The following DCDC2C variants were observed in gnomAD, a reference collection of about 807,000 sequenced individuals.
DCDC2C encodes the protein doublecortin domain-containing protein 2C.
Under a neutral mutation model 45.0 loss-of-function variants are expected in DCDC2C, and 44 were observed. That is an observed-to-expected ratio of 0.98 (90% CI 0.77 to 1.26). DCDC2C has a LOEUF of 1.26. Among genes scored for constraint, DCDC2C ranks in the 50% most tolerant of loss-of-function variants. The pLI, the probability that DCDC2C is intolerant of heterozygous loss-of-function variation, is 0.00. For missense variants in DCDC2C, 447 were observed against 468.9 expected (o/e 0.95, Z 0.43); for synonymous variants, 187 against 178.8 (o/e 1.05, Z -0.37).
chr2:3,774,857 C>T (rs1406029206), intron 8 of DCDC2C, among the ~76,000 whole-genome samples: 4 of 151,920 alleles, frequency 2.6e-5, no homozygotes, highest in Admixed American at 2.6e-4. Context: ...ACCTCTGCCT[C>T]CCAGTTCAAG....
intron 4 of DCDC2C, among the ~76,000 whole-genome samples, chr2:3,751,135 A>G (rs357973): frequency 0.9 from 137,296 of 152,276 alleles, 61,977 homozygotes; most frequent in East Asian, 0.94. Flanking sequence ...TCATATTTGT[A>G]TGTGAATTCT....
At chr2:3,812,523 A>G (rs1451269586) in intron 10 of DCDC2C, among the ~76,000 whole-genome samples, 1 of 152,096 alleles carries the variant, frequency 6.6e-6, no homozygotes, top group African/African-American at 2.4e-5. Context: ...TAAGTTTTCA[A>G]AAAACCGGCT....
chr2:3,709,187 C>T (rs762703376), intron 2 of DCDC2C, among the ~76,000 whole-genome samples: 9 of 152,226 alleles, frequency 5.9e-5, no homozygotes, highest in African/African-American at 1.9e-4. Context: ...GACTTAAAAA[C>T]GGACTTATTT....
intron 10 of DCDC2C, among the ~76,000 whole-genome samples, chr2:3,816,973 C>T (rs953416957): frequency 9.9e-5 from 15 of 152,038 alleles, no homozygotes; most frequent in African/African-American, 3.4e-4. Context: ...GAAGAGGTTA[C>T]GAAATGATGA....
intron 2 of DCDC2C, among the ~76,000 whole-genome samples, chr2:3,717,211 G>A (rs186755005): frequency 1.6e-4 from 25 of 152,072 alleles, no homozygotes; most frequent in Admixed American, 7.2e-4. Context: ...AATCATCCAT[G>A]TGCCAAAGAC....
chr2:3,813,335 G>A (rs1671465016), intron 10 of DCDC2C, among the ~76,000 whole-genome samples: 1 of 152,100 alleles, frequency 6.6e-6, no homozygotes, highest in African/African-American at 2.4e-5. Context: ...CCAAAGCGCT[G>A]GGATTACAGG....
At chr2:3,752,638 T>A in intron 4 of DCDC2C, 125 bp from the exon 5 acceptor site, 1 of 1,170,216 alleles carries the variant, frequency 8.5e-7, no homozygotes, top group Non-Finnish European at 1.2e-6. Flanking sequence ...AACACGTGCT[T>A]ACGATGAGCA....
chr2:3,813,855 G>C (rs555891478), intron 10 of DCDC2C, among the ~76,000 whole-genome samples: 2 of 150,204 alleles, frequency 1.3e-5, no homozygotes, highest in Middle Eastern at 3.5e-3. Context: ...GATGAGTCTT[G>C]ACTCTTTATC....
intron 10 of DCDC2C, among the ~76,000 whole-genome samples, chr2:3,794,596 A>G (rs1011953481): frequency 6.6e-6 from 1 of 151,532 alleles, no homozygotes; most frequent in African/African-American, 2.4e-5. Context: ...ATTCCCACCT[A>G]TGAGTGAGAA....
chr2:3,732,428 GATATA>G (rs1352953446), intron 3 of DCDC2C, among the ~76,000 whole-genome samples: 20 of 151,928 alleles, frequency 1.3e-4, no homozygotes, highest in Non-Finnish European at 2.2e-4. Context: ...ATGTATATAT[GATATA>G]ATATATATAT....
rs1258373129 is a variant in DCDC2C, at chr2:3,761,336, G to A, written c.727-6418G>A. On this transcript the variant is annotated intron_variant, in intron 6 of 10. Transcript: ENST00000399143. This position sits in a 1 kb window ranked among gnomAD's most constrained non-coding sequence, Gnocchi z 4.3. Reference sequence around the variant, plus strand: ...TAGAGCACAAGTGTTCGTAGTGAACGGTAATGAAAAGGAGATAAAGCATAT... The same window carrying A: ...TAGAGCACAAGTGTTCGTAGTGAACAGTAATGAAAAGGAGATAAAGCATAT... Among the ~76,000 whole-genome samples, 4 of 152,142 alleles carry A rather than the reference G, an allele frequency of 2.6e-5. No homozygotes were observed. In the South Asian group the frequency reaches 6.2e-4, roughly 24 times the overall value.
At chr2:3,821,389 G>A (rs1028585616) in intron 10 of DCDC2C, among the ~76,000 whole-genome samples, 3 of 152,162 alleles carry the variant, frequency 2.0e-5, no homozygotes, top group Non-Finnish European at 4.4e-5. Flanking sequence ...CTATGTGGAT[G>A]CTTTACTGAA....
intron 3 of DCDC2C, among the ~76,000 whole-genome samples, chr2:3,738,840 G>A (rs62106634): frequency 0.16 from 24,287 of 152,142 alleles, 2,161 homozygotes; most frequent in East Asian, 0.24. Flanking sequence ...TACCAGTGAT[G>A]GGATTTGATG....
intron 1 of DCDC2C, among the ~76,000 whole-genome samples, chr2:3,705,354 A>C (rs575964623): frequency 6.6e-6 from 1 of 152,340 alleles, no homozygotes; most frequent in Non-Finnish European, 1.5e-5. Flanking sequence ...ATTAGAATTC[A>C]TGGACAAAAT....
Position 3,703,986 on chromosome 2 carries a change from C to A in DCDC2C, c.235C>A (p.Gln79Lys). The change falls in exon 1 of 11, where the codon CAG (glutamine) becomes AAG (lysine). Residue 79 changes from glutamine to lysine, a missense_variant. Gln to Lys is a moderately conservative substitution (Grantham distance 53). Coordinates refer to ENST00000399143, the MANE Select transcript of DCDC2C (RefSeq NM_001287444.2). This position sits in a 1 kb window ranked among gnomAD's most constrained non-coding sequence, Gnocchi z 4.4. The part of the protein sequence containing the change: ...GHRVLGLDAL[Q>K]AGGKYVAAGR... ...CCGGGTGCTGGGGCTGGACGCGCTGCAGGCGGGCGGCAAGTACGTGGCGGC... is the reference window on the plus strand; with the variant it reads ...CCGGGTGCTGGGGCTGGACGCGCTGAAGGCGGGCGGCAAGTACGTGGCGGC... 7.7e-7 allele frequency: 1 copy of A among 1,297,676 alleles called. No homozygotes were observed. Among genetic ancestry groups the A allele is most frequent in the South Asian group, 2.2e-5 (1 of 44,606 alleles). The allele number at this position is 1,297,676 out of a possible 1,614,324, so 80.4% of individuals were successfully genotyped here.
At chr2:3,842,200 C>T (rs1672230466) in intron 10 of DCDC2C, among the ~76,000 whole-genome samples, 1 of 151,990 alleles carries the variant, frequency 6.6e-6, no homozygotes, top group Non-Finnish European at 1.5e-5. Context: ...TCTCAAGAAG[C>T]TCATGTGAAT....
At chr2:3,842,965 C>T (rs919885300) in intron 10 of DCDC2C, among the ~76,000 whole-genome samples, 2 of 152,210 alleles carry the variant, frequency 1.3e-5, no homozygotes, top group African/African-American at 2.4e-5. Context: ...AACACAGTCT[C>T]GGGCAGGTCC....
At chr2:3,811,840 C>A (rs1671401825) in intron 10 of DCDC2C, among the ~76,000 whole-genome samples, 1 of 152,064 alleles carries the variant, frequency 6.6e-6, no homozygotes, top group Admixed American at 6.6e-5. Flanking sequence ...GAGATAATCA[C>A]ATGGTTTTTA....
At chr2:3,798,104 G>T (rs1307909057) in intron 10 of DCDC2C, among the ~76,000 whole-genome samples, 1 of 151,908 alleles carries the variant, frequency 6.6e-6, no homozygotes, top group Non-Finnish European at 1.5e-5. Context: ...TTGTTGAATT[G>T]ATCCCTTTAC....
Sources: gnomAD v4.1 joint callset for allele counts (sites outside exome capture counted in the v4.1 genomes callset) on GRCh38, gnomAD v4.1.1 for gene constraint, Gnocchi (gnomAD v3.1) non-coding constraint, MANE v1.5 for transcripts, NCBI Gene and HGNC (gene_info 2026-07-23, HGNC 2026-07-21) for gene names.